FGF12: variants seen among roughly 807,000 people sequenced by gnomAD.
FGF12 encodes the protein fibroblast growth factor 12.
In FGF12, 14 loss-of-function variants were observed where a neutral mutation model predicts 23.6. That is an observed-to-expected ratio of 0.59 (90% confidence interval 0.39 to 0.93). The LOEUF (loss-of-function observed/expected upper bound fraction) is 0.93, where lower values mean the gene tolerates loss of function less well. Ranked by LOEUF, FGF12 falls within the 40% of genes least tolerant of loss-of-function variation. The probability of loss-of-function intolerance (pLI) is 0.00; values close to 1 mark genes in which losing one functional copy is unlikely to be tolerated. For missense variants in FGF12, 175 were observed against 217.8 expected (o/e 0.80, Z 1.24); for synonymous variants, 62 against 77.3 (o/e 0.80, Z 1.04).
intron 3 of FGF12, among the ~76,000 whole-genome samples, chr3:192,343,411 G>A (rs958123878): frequency 2.0e-5 from 3 of 151,984 alleles, no homozygotes; most frequent in Non-Finnish European, 4.4e-5. Flanking sequence ...GTTAGTACCA[G>A]GTTATTTTCT....
At chr3:192,402,670 C>G (rs946008097) in intron 2 of FGF12, among the ~76,000 whole-genome samples, 13 of 152,050 alleles carry the variant, frequency 8.5e-5, no homozygotes, top group Admixed American at 8.5e-4. Flanking sequence ...TTTCTTTTTT[C>G]TAAGATGGGG....
intron 2 of FGF12, among the ~76,000 whole-genome samples, chr3:192,520,114 A>G (rs1261278813): frequency 6.6e-6 from 1 of 152,204 alleles, no homozygotes; most frequent in Non-Finnish European, 1.5e-5. Flanking sequence ...TATTGCTCTC[A>G]GGTCCTCTCA....
intron 4 of FGF12, among the ~76,000 whole-genome samples, chr3:192,223,670 C>T (rs1010341717): frequency 1.3e-5 from 2 of 151,886 alleles, no homozygotes; most frequent in Non-Finnish European, 2.9e-5. Context: ...TTATGTTTGC[C>T]GTAACTGTCT....
In FGF12 at chr3:192,444,499, T is replaced by C. The variant is rs143242347; in HGVS notation, c.14-83961A>G. 1.0e-3 allele frequency among the ~76,000 whole-genome samples: 157 copies of C among 152,308 alleles called. 2 individuals carry two copies. In the South Asian group the frequency reaches 0.016, roughly 15 times the overall value. ...TCCTAACATTGCTTCTGGAACAAGA[T>C]AATGTGACCTTCAGCATTAGACAAG... On this transcript the variant is annotated intron_variant, in intron 2 of 5. Coordinates refer to ENST00000445105, the MANE Select transcript of FGF12 (RefSeq NM_004113.6).
intron 2 of FGF12, among the ~76,000 whole-genome samples, chr3:192,676,171 T>A (rs1393811589): frequency 6.6e-6 from 1 of 152,182 alleles, no homozygotes; most frequent in African/African-American, 2.4e-5. Context: ...CTTCCTCCCC[T>A]CTTGCGATGA....
chr3:192,639,969 G>A (rs1227541289), intron 2 of FGF12, among the ~76,000 whole-genome samples: 2 of 150,144 alleles, frequency 1.3e-5, no homozygotes, highest in Admixed American at 6.6e-5. Flanking sequence ...GCCAAACACA[G>A]AAAGAAAAAT....
At chr3:192,256,898 A>G (rs1350133491) in intron 4 of FGF12, among the ~76,000 whole-genome samples, 2 of 152,138 alleles carry the variant, frequency 1.3e-5, no homozygotes, top group Non-Finnish European at 2.9e-5. Flanking sequence ...TAGTGACTAT[A>G]TGGAAATTAA....
intron 2 of FGF12, among the ~76,000 whole-genome samples, chr3:192,606,940 T>A (rs374870504): frequency 9.9e-4 from 150 of 152,146 alleles, no homozygotes; most frequent in Middle Eastern, 3.4e-3. Context: ...ATAAGCCAGG[T>A]GAATACAAAT....
At chr3:192,179,408 A>T (rs2108631205) in intron 4 of FGF12, among the ~76,000 whole-genome samples, 1 of 152,314 alleles carries the variant, frequency 6.6e-6, no homozygotes, top group South Asian at 2.1e-4. Context: ...ACGTACTGGA[A>T]ATGTAATGTT....
At chr3:192,296,487 G>C (rs911332854) in intron 4 of FGF12, among the ~76,000 whole-genome samples, 2 of 152,124 alleles carry the variant, frequency 1.3e-5, no homozygotes, top group African/African-American at 4.8e-5. Flanking sequence ...GCCTCTAAAA[G>C]GGGTGGGATT....
At chr3:192,286,171 A>G (rs1345206745) in intron 4 of FGF12, among the ~76,000 whole-genome samples, 1 of 151,988 alleles carries the variant, frequency 6.6e-6, no homozygotes, top group Non-Finnish European at 1.5e-5. Context: ...AAAAGGATCA[A>G]TCCTAGAGCT....
intron 2 of FGF12, among the ~76,000 whole-genome samples, chr3:192,373,328 T>G (rs1343982665): frequency 1.3e-5 from 2 of 151,656 alleles, no homozygotes; most frequent in Non-Finnish European, 2.9e-5. Context: ...CTCTCTGGGC[T>G]TCAGGTTTCA....
At chr3:192,428,013 G>A (rs1029167700) in intron 2 of FGF12, among the ~76,000 whole-genome samples, 2 of 152,242 alleles carry the variant, frequency 1.3e-5, no homozygotes, top group African/African-American at 2.4e-5. Flanking sequence ...GCCAACCAAA[G>A]CCAAAGGATG....
At chr3:192,282,095 A>G (rs1303500526) in intron 4 of FGF12, among the ~76,000 whole-genome samples, 2 of 152,162 alleles carry the variant, frequency 1.3e-5, no homozygotes, top group Non-Finnish European at 2.9e-5. Flanking sequence ...GTTTTTAATC[A>G]TAAGTTAGTA....
intron 2 of FGF12, among the ~76,000 whole-genome samples, chr3:192,446,683 C>T (rs1162841200): frequency 6.6e-6 from 1 of 151,918 alleles, no homozygotes. Context: ...GCATCCAGCA[C>T]CAGCCGTCAG....
At chr3:192,555,409 A>G (rs2654703) in intron 2 of FGF12, among the ~76,000 whole-genome samples, 123,697 of 152,010 alleles carry the variant, frequency 0.81, 50,813 homozygotes, top group East Asian at 0.95. Flanking sequence ...TAGTGCATAA[A>G]TCACTTTTAA....
chr3:192,329,079 C>A (rs1716976219), intron 4 of FGF12, among the ~76,000 whole-genome samples: 1 of 152,186 alleles, frequency 6.6e-6, no homozygotes, highest in Non-Finnish European at 1.5e-5. Flanking sequence ...TACTGAGAAT[C>A]TTCCTTTACC....
chr3:192,627,518 G>A (rs1365833713), intron 2 of FGF12, among the ~76,000 whole-genome samples: 1 of 152,042 alleles, frequency 6.6e-6, no homozygotes, highest in Non-Finnish European at 1.5e-5. Context: ...TAAAAGTACA[G>A]CAATTTCTAC....
chr3:192,690,483 A>C (rs1717906126), intron 2 of FGF12, among the ~76,000 whole-genome samples: 1 of 151,766 alleles, frequency 6.6e-6, no homozygotes. Context: ...GTAGACATAC[A>C]GGTATAACTA....
Sources: allele counts gnomAD v4.1 joint callset (sites outside exome capture counted in the v4.1 genomes callset), GRCh38; gene constraint gnomAD v4.1.1; transcripts MANE v1.5; gene names NCBI Gene and HGNC (gene_info 2026-07-23, HGNC 2026-07-21).